Variants in BSDC1 observed in about 807,000 individuals in gnomAD.
BSDC1 encodes the protein BSD domain-containing protein 1.
BSDC1 carries 29 observed loss-of-function variants against 56.0 expected under a neutral mutation model. That is an observed-to-expected ratio of 0.52 (90% CI 0.39 to 0.71). The LOEUF (loss-of-function observed/expected upper bound fraction) is 0.71, where lower values mean the gene tolerates loss of function less well. BSDC1 is among the 30% of genes least tolerant of loss of function. BSDC1 has a pLI of 0.00. For missense variants in BSDC1, 477 were observed against 548.5 expected, an observed-to-expected ratio of 0.87 and a Z score of 1.30; for synonymous variants, 210 against 215.3, an observed-to-expected ratio of 0.98 and a Z score of 0.21.
intron 2 of BSDC1, among the ~76,000 whole-genome samples, chr1:32,387,554 TG>T (rs1290165796): frequency 7.9e-5 from 12 of 152,224 alleles, no homozygotes; most frequent in Admixed American, 3.3e-4. Context: ...TTGGTCAGGC[TG>T]GTCTCGAACT....
chr1:32,383,176 G>A (rs1003554514), intron 4 of BSDC1, among the ~76,000 whole-genome samples: 8 of 152,152 alleles, frequency 5.3e-5, no homozygotes, highest in Non-Finnish European at 1.0e-4. Flanking sequence ...TGGGCACAGT[G>A]GCTCACTCCT....
At position 32,367,864 on chromosome 1, in the gene BSDC1, T is replaced by C. The variant is rs1181216286; in HGVS notation, c.1260+583A>G. 4.0e-6 allele frequency: 4 copies of C among 1,001,160 alleles called. No individual in the cohort carries two copies. The African/African-American group carries it at 7.0e-5, about 17-fold the overall frequency. The allele number at this position is 1,001,160 out of a possible 1,614,324, so 62.0% of individuals were successfully genotyped here. On this transcript the variant is annotated intron_variant, in intron 10 of 10. Transcript: ENST00000455895. ...AGCTTATAGCCAGGTCTTATAATGA[T>C]CAATTCCATGTTTTAGATGAGGAAC...
chr1:32,377,802 T>C (rs965874015), intron 8 of BSDC1, among the ~76,000 whole-genome samples, 168 bp downstream of exon 8: 3 of 152,170 alleles, frequency 2.0e-5, no homozygotes, highest in East Asian at 3.8e-4. Context: ...CCACTAGCCT[T>C]GTTCAATATC....
At chr1:32,383,755 T>C in intron 4 of BSDC1, 75 bp downstream of exon 4, 2 of 1,437,084 alleles carry the variant, frequency 1.4e-6, no homozygotes, top group Non-Finnish European at 1.9e-6. Context: ...TGGGCTGCTT[T>C]TGTGAGTACA....
chr1:32,369,595 C>T (rs1166131204), intron 9 of BSDC1, among the ~76,000 whole-genome samples: 1 of 152,200 alleles, frequency 6.6e-6, no homozygotes, highest in Non-Finnish European at 1.5e-5. Context: ...CTTGTTCCTC[C>T]AGAAACATAC....
chr1:32,382,379 G>A (rs1011892556), intron 4 of BSDC1, among the ~76,000 whole-genome samples: 5 of 151,908 alleles, frequency 3.3e-5, no homozygotes, highest in Admixed American at 1.3e-4. Flanking sequence ...TGAGGTGGGA[G>A]GAGCACCTTA....
intron 9 of BSDC1, among the ~76,000 whole-genome samples, chr1:32,371,859 C>G (rs1249902055): frequency 6.6e-6 from 1 of 151,254 alleles, no homozygotes; most frequent in Non-Finnish European, 1.5e-5. Context: ...ACTGTGTAGT[C>G]TTGGGCAAAT....
At chr1:32,391,193 TGCA>T (rs1263448715) in intron 2 of BSDC1, among the ~76,000 whole-genome samples, 2 of 152,064 alleles carry the variant, frequency 1.3e-5, no homozygotes, top group Non-Finnish European at 2.9e-5. Context: ...TAGCGTCAAA[TGCA>T]GCAGAATGGT....
chr1:32,372,587 TTC>T (rs1642131848), intron 9 of BSDC1, among the ~76,000 whole-genome samples: 1 of 152,028 alleles, frequency 6.6e-6, no homozygotes, highest in African/African-American at 2.4e-5. Context: ...TGAAGCTGGG[TTC>T]TCTCTGCCAT....
chr1:32,393,730 G>A, intron 2 of BSDC1: 1 of 305,954 alleles, frequency 3.3e-6, no homozygotes, highest in Non-Finnish European at 6.2e-6. Context: ...ATACGAGTAA[G>A]TTTTTTTACT....
rs368950262 is a variant in BSDC1, at chr1:32,393,775, GCTCT to G, written c.72+301_72+304del. The G allele has an allele frequency of 5.5e-4, 228 of 417,522 alleles. 2 individuals carry two copies. In the East Asian group the frequency reaches 7.9e-3, roughly 15 times the overall value. 25.9% of individuals were successfully genotyped at this position (417,522 alleles called of 1,614,324 possible). A position where few individuals can be genotyped will look rare whatever the true frequency, so the allele number is the denominator to read the frequency against. ...TTTTCCTTCAAGACCTGTATCAAAT[GCTCT>G]CTCTTTCACGAAGAAACTGAATTTC... On this transcript the variant is annotated intron_variant, in intron 2 of 10. Transcript: ENST00000455895.
intron 2 of BSDC1, among the ~76,000 whole-genome samples, chr1:32,389,972 CAAAAA>C (rs386366640): frequency 4.1e-5 from 3 of 73,110 alleles, no homozygotes; most frequent in Non-Finnish European, 9.5e-5. Flanking sequence ...GACCCTGTCT[CAAAAA>C]AAAAAAAAAA....
chr1:32,364,994 C>T lies in BSDC1; in HGVS notation c.*1628G>A, dbSNP rs1418608326. On this transcript the variant is annotated 3_prime_UTR_variant, in exon 11 of 11. Coordinates refer to ENST00000455895, the MANE Select transcript of BSDC1 (RefSeq NM_018045.8). ...ATCTGGGATGAGGACAAGGTACGTC[C>T]TCTGGACCTAGGCTATCCCCCTACC... The T allele has an allele frequency of 6.6e-6, 1 of 152,214 alleles. No homozygotes were observed. The highest frequency in any genetic ancestry group is 1.5e-5 in the Non-Finnish European group (1 of 68,078). 9.4% of individuals were successfully genotyped at this position (152,214 alleles called of 1,614,324 possible). A position where few individuals can be genotyped will look rare whatever the true frequency, so the allele number is the denominator to read the frequency against.
At chr1:32,377,415 A>G (rs1642330401) in intron 8 of BSDC1, among the ~76,000 whole-genome samples, 1 of 152,120 alleles carries the variant, frequency 6.6e-6, no homozygotes. Flanking sequence ...TTTATCCTTA[A>G]GAGGGGTAAT....
intron 9 of BSDC1, among the ~76,000 whole-genome samples, chr1:32,371,322 T>A (rs1370144073): frequency 2.0e-5 from 3 of 148,586 alleles, no homozygotes; most frequent in South Asian, 4.3e-4. Context: ...TTTTTTTTTT[T>A]TTTTATTTGA....
chr1:32,384,099 G>A (rs1013568011), intron 3 of BSDC1, 102 bp from the exon 4 acceptor site: 3 of 1,533,878 alleles, frequency 2.0e-6, no homozygotes, highest in Non-Finnish European at 2.7e-6. Context: ...TGTGTTGGGG[G>A]ACCAGGGAAG....
chr1:32,368,160 C>T, intron 10 of BSDC1: 7 of 1,430,342 alleles, frequency 4.9e-6, no homozygotes, highest in South Asian at 1.5e-5. Context: ...GTGTGAGCCA[C>T]CGCGCTCAGC....
rs1642573365 is a variant in BSDC1 at position 32,383,897 on chromosome 1, A to G, written c.290T>C (p.Ile97Thr). 6 of 1,612,308 alleles carry G rather than the reference A, an allele frequency of 3.7e-6. No homozygotes were observed. Among genetic ancestry groups the G allele is most frequent in the Non-Finnish European group, 4.2e-6 (5 of 1,180,024 alleles). ...DTFAPSPDKT[I>T]DCDVITLMGT... is the part of the protein sequence containing the mutation. ...CATCAGGGTGATGACATCGCAGTCG[A>G]TGGTTTTGTCTGGCGAAGGGGCAAA... The change falls in exon 4 of 11, where the codon ATC becomes ACC. Residue 97 changes from isoleucine to threonine, a missense_variant. Transcript: ENST00000455895.
intron 4 of BSDC1, among the ~76,000 whole-genome samples, chr1:32,383,503 T>G (rs1219518988): frequency 6.6e-6 from 1 of 152,070 alleles, no homozygotes; most frequent in East Asian, 1.9e-4. Flanking sequence ...TTGTTGATTT[T>G]TTAAAAGTAG....
Sources: gnomAD v4.1 joint callset for allele counts (sites outside exome capture counted in the v4.1 genomes callset) on GRCh38, gnomAD v4.1.1 for gene constraint, MANE v1.5 for transcripts, NCBI Gene and HGNC (gene_info 2026-07-23, HGNC 2026-07-21) for gene names.